The following FHIT variants were observed in gnomAD, a reference collection of about 807,000 sequenced individuals.
FHIT encodes the protein fragile histidine triad diadenosine triphosphatase.
FHIT carries 19 observed loss-of-function variants against 17.9 expected under a neutral mutation model. The ratio of observed to expected loss-of-function variants is 1.06; its 90% confidence interval spans 0.74 to 1.56. The LOEUF (loss-of-function observed/expected upper bound fraction) is 1.56. Ranked by LOEUF, FHIT falls within the 40% of genes most tolerant of loss-of-function variation. FHIT has a pLI of 0.00. For missense variants in FHIT, 248 were observed against 189.2 expected (o/e 1.31, Z -1.82); for synonymous variants, 81 against 69.7 (o/e 1.16, Z -0.81).
chr3:60,363,969 T>C (rs574936109), intron 5 of FHIT, among the ~76,000 whole-genome samples: 1 of 152,278 alleles, frequency 6.6e-6, no homozygotes, highest in East Asian at 1.9e-4. Context: ...TACCTCCCCT[T>C]GTCCCTAGGT....
chr3:59,932,546 G>A (rs1172560149), intron 7 of FHIT, among the ~76,000 whole-genome samples: 4 of 152,252 alleles, frequency 2.6e-5, no homozygotes, highest in African/African-American at 9.6e-5. Context: ...CTATTTTAAC[G>A]ATGGGTTTAT....
intron 5 of FHIT, among the ~76,000 whole-genome samples, chr3:60,026,983 C>A (rs886864842): frequency 6.6e-6 from 1 of 151,958 alleles, no homozygotes; most frequent in Non-Finnish European, 1.5e-5. Context: ...CCTGTAATCC[C>A]AGCTACTCGG....
chr3:60,004,725 T>C (rs1159898713), intron 7 of FHIT, among the ~76,000 whole-genome samples: 6 of 152,202 alleles, frequency 3.9e-5, no homozygotes, highest in Non-Finnish European at 7.3e-5. Flanking sequence ...AATTCCACTA[T>C]CTGTCAACTG....
chr3:61,134,087 T>TCACACACACACATACA (rs2036841326), intron 2 of FHIT, among the ~76,000 whole-genome samples: 1 of 42,562 alleles, frequency 2.3e-5, no homozygotes. Flanking sequence ...AGACTCTGTC[T>TCACACACACACATACA]CACACACACA....
At chr3:60,272,167 C>T (rs372738898) in intron 5 of FHIT, among the ~76,000 whole-genome samples, 57 of 152,180 alleles carry the variant, frequency 3.7e-4, no homozygotes, top group African/African-American at 1.4e-3. Context: ...GACACAAAAC[C>T]AGACACAATT....
At chr3:60,552,176 T>G (rs1553648336) in intron 4 of FHIT, among the ~76,000 whole-genome samples, 1 of 152,184 alleles carries the variant, frequency 6.6e-6, no homozygotes, top group Non-Finnish European at 1.5e-5. Flanking sequence ...TTATTCCTTT[T>G]AAAGGCTGAA....
intron 8 of FHIT, among the ~76,000 whole-genome samples, chr3:59,805,631 A>G (rs888762220): frequency 1.3e-5 from 2 of 152,192 alleles, no homozygotes; most frequent in African/African-American, 4.8e-5. Flanking sequence ...GGTAGCCATG[A>G]CCAGTCTAAC....
intron 7 of FHIT, among the ~76,000 whole-genome samples, chr3:59,953,903 G>T (rs1166264649): frequency 6.6e-6 from 1 of 152,228 alleles, no homozygotes; most frequent in Non-Finnish European, 1.5e-5. Flanking sequence ...TGTGGTGTGA[G>T]TCAGTTTGAG....
chr3:60,574,871 G>A (rs2037512520), intron 4 of FHIT, among the ~76,000 whole-genome samples: 1 of 151,064 alleles, frequency 6.6e-6, no homozygotes, highest in South Asian at 2.1e-4. Context: ...ATTAGTTGTT[G>A]CCCCCCACCC....
chr3:60,730,960 CA>C (rs56078734), intron 4 of FHIT, among the ~76,000 whole-genome samples: 76 of 135,802 alleles, frequency 5.6e-4, no homozygotes, highest in Middle Eastern at 3.8e-3. Context: ...AATAAAAATA[CA>C]AAAAAAAAAA....
At chr3:60,934,723 T>C (rs1255729967) in intron 3 of FHIT, among the ~76,000 whole-genome samples, 1 of 152,220 alleles carries the variant, frequency 6.6e-6, no homozygotes, top group Non-Finnish European at 1.5e-5. Context: ...GACTGTCTAA[T>C]GCCCTAATGC....
intron 5 of FHIT, among the ~76,000 whole-genome samples, chr3:60,067,898 A>G (rs547190457): frequency 6.6e-6 from 1 of 152,324 alleles, no homozygotes; most frequent in Non-Finnish European, 1.5e-5. Context: ...CCTCAAGTGT[A>G]GTTTCAATGG....
At chr3:60,174,554 G>T (rs895909884) in intron 5 of FHIT, among the ~76,000 whole-genome samples, 1 of 151,330 alleles carries the variant, frequency 6.6e-6, no homozygotes, top group Non-Finnish European at 1.5e-5. Context: ...AGTTCAGAGA[G>T]AAAATATAAT....
At chr3:59,804,785 C>T (rs1700130994) in intron 8 of FHIT, among the ~76,000 whole-genome samples, 1 of 152,184 alleles carries the variant, frequency 6.6e-6, no homozygotes, top group Admixed American at 6.5e-5. Flanking sequence ...TGAGAAGGCC[C>T]TTTGCTGACT....
chr3:60,992,679 C>G (rs1470226809), intron 3 of FHIT, among the ~76,000 whole-genome samples: 1 of 152,214 alleles, frequency 6.6e-6, no homozygotes, highest in Non-Finnish European at 1.5e-5. Flanking sequence ...AAAACCCTCT[C>G]TGGTGATTGC....
intron 3 of FHIT, among the ~76,000 whole-genome samples, chr3:60,954,395 T>C (rs1413041118): frequency 1.3e-5 from 2 of 152,212 alleles, no homozygotes; most frequent in African/African-American, 2.4e-5. Context: ...CAAGGAAAGA[T>C]GTTATCTTAA....
intron 5 of FHIT, among the ~76,000 whole-genome samples, chr3:60,202,247 G>A (rs1276941172): frequency 6.6e-6 from 1 of 152,158 alleles, no homozygotes; most frequent in Admixed American, 6.5e-5. Flanking sequence ...AGAAAAATGA[G>A]GAAGTTGGAC....
intron 4 of FHIT, among the ~76,000 whole-genome samples, chr3:60,611,718 C>T (rs762406912): frequency 6.6e-6 from 1 of 152,180 alleles, no homozygotes; most frequent in Admixed American, 6.5e-5. Flanking sequence ...ACCTCTGTCA[C>T]TGAACTACTG....
intron 3 of FHIT, among the ~76,000 whole-genome samples, chr3:61,001,916 T>C (rs13069540): frequency 8.9e-4 from 135 of 152,328 alleles, no homozygotes; most frequent in Non-Finnish European, 1.6e-3. Context: ...ATATTAACAT[T>C]GGGGAAAACT....
Sources: allele counts gnomAD v4.1 joint callset (sites outside exome capture counted in the v4.1 genomes callset), GRCh38; gene constraint gnomAD v4.1.1; transcripts MANE v1.5; gene names NCBI Gene and HGNC (gene_info 2026-07-23, HGNC 2026-07-21).